MYO5A: variants seen among roughly 807,000 people sequenced by gnomAD.
The protein encoded by MYO5A is myosin VA, also known as unconventional myosin-Va.
Under a neutral mutation model 249.7 loss-of-function variants are expected in MYO5A, and 98 were observed. That is an observed-to-expected ratio of 0.39 (90% confidence interval 0.33 to 0.46). The LOEUF (loss-of-function observed/expected upper bound fraction) is 0.46, where lower values mean the gene tolerates loss of function less well. Ranked by LOEUF, MYO5A falls within the 20% of genes least tolerant of loss-of-function variation. The pLI, the probability that MYO5A is intolerant of heterozygous loss-of-function variation, is 0.98. For synonymous variants in MYO5A, 778 were observed against 810.6 expected (o/e 0.96, Z 0.68); for missense variants, 1,696 against 2,308.8 (o/e 0.73, Z 5.44).
At chr15:52,455,418 C>A (rs2600902) in intron 1 of MYO5A, among the ~76,000 whole-genome samples, 47,952 of 151,900 alleles carry the variant, frequency 0.32, 9,898 homozygotes, top group East Asian at 0.7. Flanking sequence ...TCAAACTCTT[C>A]AAAAAAATTG....
At chr15:52,499,188 A>G (rs2077102413) in intron 1 of MYO5A, among the ~76,000 whole-genome samples, 1 of 152,182 alleles carries the variant, frequency 6.6e-6, no homozygotes, top group African/African-American at 2.4e-5. Flanking sequence ...TCAGTGAAGG[A>G]AGGACTGATA....
intron 4 of MYO5A, among the ~76,000 whole-genome samples, chr15:52,421,131 A>G (rs1015840248): frequency 2.6e-5 from 4 of 152,224 alleles, no homozygotes; most frequent in Admixed American, 2.6e-4. Flanking sequence ...TATTACTTAA[A>G]GCCTATTTGC....
Position 52,351,261 on chromosome 15 carries a change from T to C in MYO5A, c.3842A>G (p.Gln1281Arg). ...SQLVSQKEAI[Q>R]PKDDKNTMTD... ...TTGTGTGCTTGCGCTTACCTTGGGT[T>C]GGATGGCCTCTTTCTGGCTCACCAG... Residue 1281 changes from glutamine (Q) to arginine (R), a missense_variant, in exon 28 of 42, where the codon CAA becomes CGA. This residue lies in a region of MYO5A where 625 missense variants were observed against 908.1 expected (regional missense o/e 0.69). Transcript: ENST00000399233. 6.2e-7 allele frequency: 1 copy of C among 1,614,082 alleles called. No homozygotes were observed. The highest frequency in any genetic ancestry group is 1.1e-5 in the South Asian group (1 of 91,072).
Position 52,340,216 on chromosome 15 carries a change from G to C in MYO5A, c.4219C>G (p.Arg1407Gly), listed in dbSNP as rs756990962. Reference protein sequence around the residue: ...IEASLQHEITRLTNENLYFEE... With the variant: ...IEASLQHEITGLTNENLYFEE... ...CTTACCAAGTTTTCGTTGGTCAGCC[G>C]GGTGATCTCGTGCTGCAGGCTGGCC... Residue 1407 changes from arginine (R) to glycine (G), a missense_variant, in exon 32 of 42, where the codon CGG becomes GGG. By Grantham distance (125) the Arg-to-Gly change is moderately radical (BLOSUM62 -2). This residue lies in a region of MYO5A where 625 missense variants were observed against 908.1 expected (regional missense o/e 0.69). Transcript: ENST00000399233. 1.2e-6 allele frequency: 2 copies of C among 1,614,134 alleles called. No homozygotes were observed. The highest frequency in any genetic ancestry group is 1.7e-6 in the Non-Finnish European group (2 of 1,180,012).
At chr15:52,363,526 C>T (rs1028484485) in intron 24 of MYO5A, among the ~76,000 whole-genome samples, 3 of 152,182 alleles carry the variant, frequency 2.0e-5, no homozygotes, top group African/African-American at 4.8e-5. Flanking sequence ...TTTTGTATTA[C>T]ACAATCTCTT....
intron 18 of MYO5A, among the ~76,000 whole-genome samples, chr15:52,377,639 C>T (rs1334763972): frequency 6.8e-6 from 1 of 146,104 alleles, no homozygotes; most frequent in South Asian, 2.2e-4. Flanking sequence ...GCTGTAATCT[C>T]GGCTCACTGC....
chr15:52,346,506 A>G (rs1369769067), intron 29 of MYO5A, 45 bp from the exon 30 acceptor site: 2 of 1,229,958 alleles, frequency 1.6e-6, no homozygotes, highest in African/African-American at 1.5e-5. Flanking sequence ...TCAACTCAAA[A>G]GCTTTGGACA....
At chr15:52,362,359 G>T (rs2040576927) in intron 24 of MYO5A, among the ~76,000 whole-genome samples, 1 of 152,186 alleles carries the variant, frequency 6.6e-6, no homozygotes, top group South Asian at 2.1e-4. Context: ...TCTAATATTA[G>T]TCAAGTACTC....
intron 1 of MYO5A, among the ~76,000 whole-genome samples, chr15:52,450,259 G>T (rs1451673204): frequency 6.6e-6 from 1 of 151,928 alleles, no homozygotes. Context: ...ACCACATAGG[G>T]GTATCATGAA....
At chr15:52,392,882 A>G (rs1458024764) in intron 11 of MYO5A, among the ~76,000 whole-genome samples, 1 of 152,270 alleles carries the variant, frequency 6.6e-6, no homozygotes, top group East Asian at 1.9e-4. Context: ...GTAGTATTAC[A>G]AAGGAAAATA....
In MYO5A at chr15:52,310,078, G is replaced by C. The variant is rs1358253055; in HGVS notation, c.*3618C>G. On this transcript the variant is annotated 3_prime_UTR_variant, in exon 42 of 42. Transcript: ENST00000399233. ...ACACATAATTACTCACCCAGAAAGA[G>C]CCAACTATGAGCTATCCATGGAAAT... The C allele has an allele frequency of 6.6e-6, 1 of 152,192 alleles. No homozygotes were observed. Among genetic ancestry groups the C allele is most frequent in the East Asian group, 1.9e-4 (1 of 5,204 alleles). 9.4% of individuals were successfully genotyped at this position (152,192 alleles called of 1,614,324 possible). A position where few individuals can be genotyped will look rare whatever the true frequency, so the allele number is the denominator to read the frequency against.
At chr15:52,362,274 G>A (rs569950670) in intron 24 of MYO5A, among the ~76,000 whole-genome samples, 43 of 152,280 alleles carry the variant, frequency 2.8e-4, no homozygotes, top group African/African-American at 1.0e-3. Context: ...TTCATATGAC[G>A]ACTCTGTTTA....
chr15:52,360,003 T>C lies in MYO5A; in HGVS notation c.3388A>G (p.Ile1130Val), dbSNP rs1481416964. 2 of 1,613,560 alleles carry C rather than the reference T, an allele frequency of 1.2e-6. No homozygotes were observed. The highest frequency in any genetic ancestry group is 4.5e-5 in the East Asian group (2 of 44,864). Residue 1130 changes from isoleucine to valine, a missense_variant, in exon 25 of 42, where the codon ATT becomes GTT. By Grantham distance (29) the Ile-to-Val change is conservative. Transcript: ENST00000399233. Reference sequence around the variant, plus strand: ...GATGGAATGTCTTCCATTTCTGCAATTTCAGAGCTAAAGATATATTCAGAC... The same window carrying C: ...GATGGAATGTCTTCCATTTCTGCAACTTCAGAGCTAAAGATATATTCAGAC... ...NESEYIFSSE[I>V]AEMEDIPSRT...
chr15:52,343,296 A>G (rs952838038), intron 30 of MYO5A, 99 bp from the exon 31 acceptor site: 1 of 1,031,436 alleles, frequency 9.7e-7, no homozygotes, highest in African/African-American at 1.6e-5. Flanking sequence ...TCAACATTTT[A>G]TAAGTTTGTT....
chr15:52,364,753 A>C, intron 23 of MYO5A, 51 bp from the exon 24 acceptor site: 2 of 1,597,380 alleles, frequency 1.3e-6, no homozygotes, highest in East Asian at 4.5e-5. Flanking sequence ...TTGAGAATGC[A>C]ATTGTGTAAA....
intron 36 of MYO5A, among the ~76,000 whole-genome samples, chr15:52,326,831 A>G (rs1181273734): frequency 6.6e-6 from 1 of 152,216 alleles, no homozygotes; most frequent in Non-Finnish European, 1.5e-5. Flanking sequence ...GTTAAGTTTG[A>G]TAATCCGAAA....
chr15:52,488,551 A>G (rs1037373457), intron 1 of MYO5A, among the ~76,000 whole-genome samples: 1 of 152,372 alleles, frequency 6.6e-6, no homozygotes, highest in Non-Finnish European at 1.5e-5. Context: ...CAAGAACTCT[A>G]CCATAAAGTA....
At chr15:52,485,148 T>C (rs1436809511) in intron 1 of MYO5A, among the ~76,000 whole-genome samples, 1 of 152,058 alleles carries the variant, frequency 6.6e-6, no homozygotes, top group African/African-American at 2.4e-5. Flanking sequence ...ATGATTTTCA[T>C]TTCTAAACAA....
intron 1 of MYO5A, among the ~76,000 whole-genome samples, chr15:52,467,552 T>C (rs1447167548): frequency 6.6e-6 from 1 of 152,144 alleles, no homozygotes; most frequent in Non-Finnish European, 1.5e-5. Flanking sequence ...TTACGAATTA[T>C]TGGTATTCTC....
Sources: allele counts gnomAD v4.1 joint callset (sites outside exome capture counted in the v4.1 genomes callset), GRCh38; gene constraint gnomAD v4.1.1; regional missense constraint gnomAD v4.1.1; transcripts MANE v1.5; gene names NCBI Gene and HGNC (gene_info 2026-07-23, HGNC 2026-07-21).